The following TAFA4 variants were observed in gnomAD, a reference collection of about 807,000 sequenced individuals.
TAFA4 encodes chemokine-like protein TAFA-4.
Under a neutral mutation model 21.1 loss-of-function variants are expected in TAFA4, and 20 were observed. The ratio of observed to expected loss-of-function variants is 0.95; its 90% CI spans 0.67 to 1.38. TAFA4 has a LOEUF of 1.38. Ranked by LOEUF, TAFA4 falls within the 40% of genes most tolerant of loss-of-function variation. TAFA4 has a pLI of 0.00. For missense variants in TAFA4, 211 were observed against 180.9 expected, an observed-to-expected ratio of 1.17 and a Z score of -0.95; for synonymous variants, 71 against 67.4, an observed-to-expected ratio of 1.05 and a Z score of -0.26.
intron 3 of TAFA4, among the ~76,000 whole-genome samples, chr3:68,820,764 A>C (rs1326442971): frequency 2.0e-5 from 3 of 152,220 alleles, no homozygotes; most frequent in Non-Finnish European, 4.4e-5. Flanking sequence ...ACATAGCTTG[A>C]TTTAGCCTCT....
At chr3:68,881,804 C>G (rs1196915022) in intron 2 of TAFA4, among the ~76,000 whole-genome samples, 1 of 152,116 alleles carries the variant, frequency 6.6e-6, no homozygotes, top group Non-Finnish European at 1.5e-5. Flanking sequence ...TTGCCTGAGT[C>G]ACACTATAGG....
intron 3 of TAFA4, among the ~76,000 whole-genome samples, chr3:68,823,761 G>A (rs1388165994): frequency 2.6e-5 from 4 of 152,172 alleles, no homozygotes; most frequent in South Asian, 2.1e-4. Flanking sequence ...CTTCATTCAC[G>A]TCCCTACAAA....
intron 2 of TAFA4, among the ~76,000 whole-genome samples, chr3:68,881,487 A>G (rs1289422201): frequency 6.6e-6 from 1 of 152,050 alleles, no homozygotes; most frequent in African/African-American, 2.4e-5. Flanking sequence ...ACAAAAGAGT[A>G]AAAAAAAGGA....
At chr3:68,810,810 C>T (rs561595763) in intron 3 of TAFA4, among the ~76,000 whole-genome samples, 3 of 152,292 alleles carry the variant, frequency 2.0e-5, no homozygotes, top group Admixed American at 2.0e-4. Flanking sequence ...TGTCTCACAG[C>T]TTTGAAGAGA....
intron 3 of TAFA4, among the ~76,000 whole-genome samples, chr3:68,831,497 G>A (rs1452024582): frequency 6.6e-6 from 1 of 152,148 alleles, no homozygotes; most frequent in Non-Finnish European, 1.5e-5. Context: ...TTTTAAGAAT[G>A]TTGAATATTG....
chr3:68,873,051 G>A (rs1229011052), intron 3 of TAFA4, among the ~76,000 whole-genome samples: 1 of 151,934 alleles, frequency 6.6e-6, no homozygotes, highest in Non-Finnish European at 1.5e-5. Context: ...TCATCTCAAG[G>A]CTGATCTTTC....
chr3:68,908,373 T>G (rs991473262), intron 1 of TAFA4, among the ~76,000 whole-genome samples: 2 of 152,188 alleles, frequency 1.3e-5, no homozygotes, highest in African/African-American at 4.8e-5. Flanking sequence ...TAATCTCTAG[T>G]GGGAAGCCAC....
chr3:68,931,148 G>A (rs1191533546), intron 1 of TAFA4, among the ~76,000 whole-genome samples: 1 of 152,180 alleles, frequency 6.6e-6, no homozygotes, highest in Non-Finnish European at 1.5e-5. Context: ...CCAAAGCTTC[G>A]AAGGCGCCCA....
chr3:68,757,877 T>C (rs912700033), intron 3 of TAFA4, among the ~76,000 whole-genome samples: 17 of 152,230 alleles, frequency 1.1e-4, no homozygotes, highest in African/African-American at 4.1e-4. Flanking sequence ...ATCTCACAAC[T>C]GATGGCATCT....
At chr3:68,834,048 C>T (rs1315242311) in intron 3 of TAFA4, among the ~76,000 whole-genome samples, 1 of 152,200 alleles carries the variant, frequency 6.6e-6, no homozygotes, top group Non-Finnish European at 1.5e-5. Context: ...ACCCTGACTT[C>T]TCTCCCCAAA....
rs1028061869 is a variant in TAFA4, at chr3:68,880,199, C to T, written c.130+531G>A. Among the ~76,000 whole-genome samples the T allele has an allele frequency of 3.7e-4, 56 of 152,136 alleles. 1 individual carries two copies. The highest frequency in any genetic ancestry group is 1.2e-3 in the African/African-American group (51 of 41,500). On this transcript the variant is annotated intron_variant, in intron 3 of 5. Coordinates refer to ENST00000295569, the MANE Select transcript of TAFA4 (RefSeq NM_182522.5). ...CTGCCTCTAAATCTTTAGACAACACCCATTTTAAGTCCCTTACAAAAGTTA... is the reference window on the plus strand; with the variant it reads ...CTGCCTCTAAATCTTTAGACAACACTCATTTTAAGTCCCTTACAAAAGTTA...
chr3:68,743,304 G>T (rs186509448), intron 4 of TAFA4, among the ~76,000 whole-genome samples: 19 of 152,172 alleles, frequency 1.2e-4, no homozygotes, highest in Admixed American at 1.1e-3. Flanking sequence ...GGCCAGGCAT[G>T]GTACCTCACA....
At chr3:68,776,791 TC>T (rs1315539961) in intron 3 of TAFA4, among the ~76,000 whole-genome samples, 4 of 151,792 alleles carry the variant, frequency 2.6e-5, no homozygotes, top group African/African-American at 9.7e-5. Flanking sequence ...ACTATTAAAA[TC>T]ACAAAAAACA....
chr3:68,735,852 G>T (rs913509404), intron 5 of TAFA4, among the ~76,000 whole-genome samples: 5 of 152,000 alleles, frequency 3.3e-5, no homozygotes, highest in Admixed American at 1.3e-4. Context: ...TTGACATTTG[G>T]GGTCAAATAA....
chr3:68,905,079 C>A (rs933834735), intron 1 of TAFA4, among the ~76,000 whole-genome samples: 3 of 151,976 alleles, frequency 2.0e-5, no homozygotes, highest in Non-Finnish European at 2.9e-5. Context: ...ATTTTTGAGC[C>A]CCAACTATGT....
intron 3 of TAFA4, among the ~76,000 whole-genome samples, chr3:68,773,250 T>G (rs1014741311): frequency 3.9e-5 from 6 of 152,146 alleles, no homozygotes; most frequent in Non-Finnish European, 7.3e-5. Flanking sequence ...CTAGAATGAC[T>G]CATCGAACTC....
intron 3 of TAFA4, among the ~76,000 whole-genome samples, chr3:68,787,509 G>T (rs1276427070): frequency 2.0e-5 from 3 of 152,160 alleles, no homozygotes; most frequent in Admixed American, 1.3e-4. Flanking sequence ...AAAGTCAGAT[G>T]AATGTCCAAA....
intron 3 of TAFA4, among the ~76,000 whole-genome samples, chr3:68,780,048 G>A (rs1357993471): frequency 6.6e-6 from 1 of 152,188 alleles, no homozygotes; most frequent in African/African-American, 2.4e-5. Context: ...TGGAGTCAAA[G>A]GATATCATTT....
intron 1 of TAFA4, among the ~76,000 whole-genome samples, chr3:68,886,580 G>C (rs1229002675): frequency 2.6e-5 from 4 of 152,016 alleles, no homozygotes; most frequent in Non-Finnish European, 5.9e-5. Flanking sequence ...CACACAAAAG[G>C]AACCACTGGG....
Sources: gnomAD v4.1 joint callset for allele counts (sites outside exome capture counted in the v4.1 genomes callset) on GRCh38, gnomAD v4.1.1 for gene constraint, MANE v1.5 for transcripts, NCBI Gene and HGNC (gene_info 2026-07-23, HGNC 2026-07-21) for gene names.